Variants in TMEM131 observed in about 807,000 individuals in gnomAD.
The protein encoded by TMEM131 is 2610524E03Rik.
A neutral mutation model predicts 211.6 loss-of-function variants in TMEM131; 66 were observed. That is an observed-to-expected ratio of 0.31 (90% CI 0.26 to 0.38). The LOEUF (loss-of-function observed/expected upper bound fraction) is 0.38. Ranked by LOEUF, TMEM131 falls within the 10% of genes least tolerant of loss-of-function variation. The pLI, the probability that TMEM131 is intolerant of heterozygous loss-of-function variation, is 1.00. For missense variants in TMEM131, 2,036 were observed against 2,299.3 expected (o/e 0.89, Z 2.34); for synonymous variants, 844 against 841.3 (o/e 1.00, Z -0.06).
chr2:97,936,729 A>G (rs1472529884), intron 1 of TMEM131, among the ~76,000 whole-genome samples: 1 of 152,224 alleles, frequency 6.6e-6, no homozygotes, highest in Non-Finnish European at 1.5e-5. Flanking sequence ...TTGCCACCTT[A>G]TATGTTAGTT....
At chr2:97,781,288 G>C (rs769838336) in intron 31 of TMEM131, among the ~76,000 whole-genome samples, 1 of 152,206 alleles carries the variant, frequency 6.6e-6, no homozygotes, top group Non-Finnish European at 1.5e-5. Context: ...ACAAGTCAGT[G>C]TTTAGCCTTC....
intron 2 of TMEM131, among the ~76,000 whole-genome samples, chr2:97,918,016 G>A (rs542483688): frequency 2.0e-5 from 3 of 151,270 alleles, no homozygotes; most frequent in African/African-American, 7.3e-5. Flanking sequence ...GCACGATCTC[G>A]GCTCACTACA....
At position 97,796,910 on chromosome 2, in the gene TMEM131, G is replaced by C; in HGVS notation, c.2947C>G (p.Leu983Val). The stretch of plus-strand genomic sequence containing the variant: ...CGTAAGGAGCTTCCTGGACCTGGAA[G>C]CTTGCCTGCCACCCTCAAGTTCTCA... ...TTENLRVAGK[L>V]PGPGSSLRFK... The change falls in exon 27 of 41, where the codon CTT becomes GTT. Residue 983 changes from leucine (L) to valine (V), a missense_variant. By Grantham distance (32) the Leu-to-Val change is conservative. Transcript: ENST00000186436. The C allele has an allele frequency of 1.9e-6, 3 of 1,613,932 alleles. No individual in the cohort carries two copies. The highest frequency in any genetic ancestry group is 2.5e-6 in the Non-Finnish European group (3 of 1,179,834).
intron 2 of TMEM131, among the ~76,000 whole-genome samples, chr2:97,919,088 T>C (rs1676630926): frequency 6.6e-6 from 1 of 152,190 alleles, no homozygotes; most frequent in South Asian, 2.1e-4. Flanking sequence ...AAAAGAAACG[T>C]TCCAAAACTG....
intron 1 of TMEM131, among the ~76,000 whole-genome samples, chr2:97,948,903 C>T (rs1300334813): frequency 3.9e-5 from 6 of 152,094 alleles, no homozygotes; most frequent in Admixed American, 6.6e-5. Flanking sequence ...GTGATCTGCC[C>T]GTCTCGGCCT....
At chr2:97,810,315 T>C (rs1031124783) in intron 18 of TMEM131, among the ~76,000 whole-genome samples, 1 of 152,180 alleles carries the variant, frequency 6.6e-6, no homozygotes, top group Non-Finnish European at 1.5e-5. Flanking sequence ...TAATTCTTAT[T>C]TTCACCCATA....
At chr2:97,877,356 T>C (rs935810914) in intron 4 of TMEM131, among the ~76,000 whole-genome samples, 3 of 152,164 alleles carry the variant, frequency 2.0e-5, no homozygotes, top group African/African-American at 4.8e-5. Context: ...AAAAAACTAC[T>C]TTAAACTTCA....
intron 4 of TMEM131, 65 bp downstream of exon 4, chr2:97,887,987 C>T: frequency 2.3e-6 from 3 of 1,286,048 alleles, no homozygotes; most frequent in Non-Finnish European, 3.3e-6. Flanking sequence ...AAAGACAAGA[C>T]AAATGCATGT....
intron 1 of TMEM131, among the ~76,000 whole-genome samples, chr2:97,955,281 T>C (rs1251457335): frequency 6.6e-6 from 1 of 152,186 alleles, no homozygotes; most frequent in Admixed American, 6.5e-5. Context: ...CATCTCATCA[T>C]GATACAAATT....
intron 3 of TMEM131, among the ~76,000 whole-genome samples, chr2:97,896,164 GT>G (rs1675603765): frequency 1.3e-5 from 2 of 152,306 alleles, no homozygotes; most frequent in East Asian, 3.9e-4. Context: ...CTTCCCTGTA[GT>G]TGTGCAGTTT....
intron 35 of TMEM131, 61 bp from the exon 36 acceptor site, chr2:97,762,261 C>A (rs1678893816): frequency 1.3e-6 from 2 of 1,537,014 alleles, no homozygotes; most frequent in Admixed American, 1.7e-5. Context: ...TCTTCCAAAT[C>A]ACTTTGAATG....
At position 97,756,840 on chromosome 2, in the gene TMEM131, A is replaced by C. The variant is rs1279748814; in HGVS notation, c.*259T>G. The stretch of plus-strand genomic sequence containing the variant: ...AAACGCAGTAACGGGAAAGGTTCTC[A>C]GATGTACAGGTCTTATTAGAGTTTG... On this transcript the variant is annotated 3_prime_UTR_variant, in exon 41 of 41. Transcript: ENST00000186436. The C allele has an allele frequency of 6.1e-6, 2 of 328,450 alleles. No individual in the cohort carries two copies. Among genetic ancestry groups the C allele is most frequent in the Non-Finnish European group, 1.1e-5 (2 of 182,256 alleles). 20.3% of individuals were successfully genotyped at this position (328,450 alleles called of 1,614,324 possible).
chr2:97,808,907 G>A (rs1009757536), intron 19 of TMEM131, among the ~76,000 whole-genome samples: 11 of 152,156 alleles, frequency 7.2e-5, no homozygotes, highest in African/African-American at 2.4e-4. Flanking sequence ...AAGGACAGGA[G>A]GAAGGGCATT....
chr2:97,797,313 G>C (rs1680815262), intron 26 of TMEM131, 52 bp downstream of exon 26: 13 of 1,463,606 alleles, frequency 8.9e-6, no homozygotes, highest in African/African-American at 1.4e-5. Context: ...AACAAGTGAG[G>C]ACTTCTAAGT....
intron 5 of TMEM131, among the ~76,000 whole-genome samples, chr2:97,847,004 C>A (rs1375789123): frequency 7.0e-6 from 1 of 142,946 alleles, no homozygotes; most frequent in African/African-American, 2.7e-5. Context: ...CATGGTGAAA[C>A]CCCACCTCTA....
intron 1 of TMEM131, among the ~76,000 whole-genome samples, chr2:97,952,789 G>A (rs1355634343): frequency 5.3e-5 from 8 of 152,156 alleles, no homozygotes; most frequent in Admixed American, 2.0e-4. Context: ...TGAGGTGGGA[G>A]GATTGCTTGA....
At chr2:97,902,312 T>C (rs1675890001) in intron 3 of TMEM131, among the ~76,000 whole-genome samples, 3 of 152,200 alleles carry the variant, frequency 2.0e-5, no homozygotes, top group Admixed American at 2.0e-4. Context: ...ACTCTTTTTT[T>C]ATGGCTGTAA....
At position 97,792,906 on chromosome 2, in the gene TMEM131, G is replaced by A. The variant is rs778849157; in HGVS notation, c.3624C>T (p.Ala1208=). Residue 1208 remains alanine (A), a synonymous_variant, in exon 31 of 41, where the codon GCC becomes GCT. Transcript: ENST00000186436. ...GAGGSSSRPS[A]GSHKQCGPSV... is the part of the protein sequence containing the mutation. ...ATGGGCCACACTGCTTATGACTCCC[G>A]GCACTGGGTCGGGATGATGAACCGC... 9 of 1,612,516 alleles carry A rather than the reference G, an allele frequency of 5.6e-6. No homozygotes were observed. The highest frequency in any genetic ancestry group is 2.7e-5 in the African/African-American group (2 of 74,830).
At chr2:97,915,191 A>G (rs772393898) in intron 2 of TMEM131, among the ~76,000 whole-genome samples, 7 of 152,178 alleles carry the variant, frequency 4.6e-5, no homozygotes, top group Non-Finnish European at 4.4e-5. Context: ...TTATTTTTAT[A>G]CTATTGAGTT....
Sources: allele counts gnomAD v4.1 joint callset (sites outside exome capture counted in the v4.1 genomes callset), GRCh38; gene constraint gnomAD v4.1.1; transcripts MANE v1.5; gene names NCBI Gene and HGNC (gene_info 2026-07-23, HGNC 2026-07-21).